Variants in ARL5C observed in about 807,000 individuals in gnomAD.
ARL5C encodes putative ADP-ribosylation factor-like protein 5C.
ARL5C carries 21 observed loss-of-function variants against 20.8 expected under a neutral mutation model. That is an observed-to-expected ratio of 1.01 (90% CI 0.72 to 1.46). The LOEUF is 1.46. ARL5C is among the 40% of genes most tolerant of loss of function. The pLI is 0.00. For synonymous variants in ARL5C, 71 were observed against 81.6 expected, an observed-to-expected ratio of 0.87 and a Z score of 0.70; for missense variants, 199 against 225.1, an observed-to-expected ratio of 0.88 and a Z score of 0.74.
At chr17:39,164,897 A>T in intron 2 of ARL5C, 182 bp downstream of exon 2, 1 of 617,554 alleles carries the variant, frequency 1.6e-6, no homozygotes, top group East Asian at 2.9e-5. Context: ...TGTACGGTGC[A>T]GGATTTGAAT....
chr17:39,160,141 T>G (rs1452587663), intron 5 of ARL5C: 1 of 158,272 alleles, frequency 6.3e-6, no homozygotes, highest in African/African-American at 2.4e-5. Context: ...AAGACCAGCC[T>G]GGCCAACCCC....
intron 5 of ARL5C, among the ~76,000 whole-genome samples, chr17:39,157,401 T>C (rs922532050): frequency 5.3e-5 from 8 of 152,180 alleles, no homozygotes; most frequent in African/African-American, 1.9e-4. Flanking sequence ...CATTAGATTG[T>C]AAGCAACTCC....
intron 5 of ARL5C, 80 bp downstream of exon 5, chr17:39,160,511 G>C: frequency 6.7e-7 from 1 of 1,490,004 alleles, no homozygotes; most frequent in Non-Finnish European, 9.0e-7. Flanking sequence ...TCACAGGAGA[G>C]AGGCAGGAGA....
chr17:39,164,885 C>G, intron 2 of ARL5C, 194 bp downstream of exon 2: 1 of 567,388 alleles, frequency 1.8e-6, no homozygotes, highest in Non-Finnish European at 3.1e-6. Context: ...GCTAGGGTTG[C>G]CTGTACGGTG....
At chr17:39,159,588 C>T (rs547584958) in intron 5 of ARL5C, among the ~76,000 whole-genome samples, 89 of 152,230 alleles carry the variant, frequency 5.8e-4, no homozygotes, top group Admixed American at 2.5e-3. Context: ...TGAGCCACCG[C>T]GCCCCGCCAT....
At chr17:39,160,456 G>T (rs2045428624) in intron 5 of ARL5C, 135 bp downstream of exon 5, 3 of 1,055,924 alleles carry the variant, frequency 2.8e-6, no homozygotes, top group Non-Finnish European at 4.1e-6. Flanking sequence ...CCTGTGGGGA[G>T]ATGCCAAATT....
chr17:39,159,195 C>T (rs943841507), intron 5 of ARL5C, among the ~76,000 whole-genome samples: 8 of 126,650 alleles, frequency 6.3e-5, no homozygotes, highest in East Asian at 4.8e-4. Flanking sequence ...CCACATCCAG[C>T]GGTTTTTTTT....
intron 5 of ARL5C, among the ~76,000 whole-genome samples, chr17:39,158,124 G>A (rs2045415865): frequency 7.3e-6 from 1 of 137,106 alleles, no homozygotes; most frequent in South Asian, 2.6e-4. Flanking sequence ...AGGGAGGGAG[G>A]GAGGGAGGAA....
Position 39,166,047 on chromosome 17 carries a change from C to T in ARL5C, c.-287G>A, listed in dbSNP as rs1366722710. On this transcript the variant is annotated 5_prime_UTR_variant, in exon 1 of 6. Transcript: ENST00000269586. ...CCTCCCCCTCGCCCTGCGAAAACTC[C>T]TGAGTTCTCCGGGTGGACTGCTCCA... The T allele has an allele frequency of 2.2e-6, 1 of 462,774 alleles. No individual in the cohort carries two copies. Among genetic ancestry groups the T allele is most frequent in the African/African-American group, 2.0e-5 (1 of 50,694 alleles). 28.7% of individuals were successfully genotyped at this position (462,774 alleles called of 1,614,324 possible).
chr17:39,159,524 C>T (rs577606030), intron 5 of ARL5C, among the ~76,000 whole-genome samples: 16 of 152,004 alleles, frequency 1.1e-4, no homozygotes, highest in South Asian at 6.3e-4. Flanking sequence ...CTCGAACTCC[C>T]GACCTTGGGT....
At chr17:39,163,378 CTT>C (rs781338378) in intron 2 of ARL5C, among the ~76,000 whole-genome samples, 1 of 131,680 alleles carries the variant, frequency 7.6e-6, no homozygotes, top group African/African-American at 3.2e-5. Context: ...TTCTTTCTTT[CTT>C]TCTTTCTTTC....
At chr17:39,160,082 C>G (rs1201868192) in intron 5 of ARL5C, 1 of 155,418 alleles carries the variant, frequency 6.4e-6, no homozygotes, top group African/African-American at 2.4e-5. Context: ...CCTGTAATCC[C>G]AACACTTTGG....
At chr17:39,163,591 C>G (rs774377452) in intron 2 of ARL5C, among the ~76,000 whole-genome samples, 7 of 151,576 alleles carry the variant, frequency 4.6e-5, no homozygotes, top group Non-Finnish European at 1.0e-4. Context: ...GGGGTTTCGC[C>G]ATGTTGGCTG....
Position 39,165,817 on chromosome 17 carries a change from G to A in ARL5C, c.-57C>T, listed in dbSNP as rs1047217293. 3.2e-6 allele frequency: 5 copies of A among 1,543,662 alleles called. No homozygotes were observed. Among genetic ancestry groups the A allele is most frequent in the Non-Finnish European group, 4.4e-6 (5 of 1,140,654 alleles). ...GCTCAGCGGCCTCAGGAGCGGAGTC[G>A]GCCCTGGTATTCGGAGCTCCGCTCC... is the stretch of plus-strand genomic sequence containing the variant. On this transcript the variant is annotated 5_prime_UTR_variant, in exon 1 of 6. Coordinates refer to ENST00000269586, the MANE Select transcript of ARL5C (RefSeq NM_001143968.1).
intron 5 of ARL5C, among the ~76,000 whole-genome samples, chr17:39,158,636 C>G (rs2045418560): frequency 6.6e-6 from 1 of 151,580 alleles, no homozygotes; most frequent in East Asian, 1.9e-4. Flanking sequence ...AAAAAGATAC[C>G]TGTGTGCCCA....
rs150760357 is a variant in ARL5C, at chr17:39,162,594, A to G, written c.255+117T>C. ...GGGATTACAGGTGTGAGCCACAGGA[A>G]CCGACCATTATAATCTCTATTTCAC... On this transcript the variant is annotated intron_variant, in intron 3 of 5. Coordinates refer to ENST00000269586, the MANE Select transcript of ARL5C (RefSeq NM_001143968.1). 8,234 of 1,289,108 alleles carry G rather than the reference A, an allele frequency of 6.4e-3. 43 individuals carry two copies. The highest frequency in any genetic ancestry group is 7.4e-3 in the Non-Finnish European group (7,114 of 955,290). The allele number at this position is 1,289,108 out of a possible 1,614,324, so 79.9% of individuals were successfully genotyped here.
intron 5 of ARL5C, 115 bp from the exon 6 acceptor site, chr17:39,157,057 A>T: frequency 1.8e-6 from 2 of 1,136,252 alleles, no homozygotes; most frequent in Non-Finnish European, 2.5e-6. Context: ...ACATCCAATA[A>T]TTCAATTAAC....
intron 3 of ARL5C, among the ~76,000 whole-genome samples, chr17:39,162,115 C>T (rs1249789435): frequency 6.6e-6 from 1 of 152,042 alleles, no homozygotes; most frequent in Non-Finnish European, 1.5e-5. Flanking sequence ...AAGTAAGGCC[C>T]CTAGAGAGAA....
chr17:39,156,875 T>C (rs1274130330), downstream of ARL5C: 1 of 1,551,728 alleles, frequency 6.4e-7, no homozygotes, highest in Admixed American at 2.0e-5. Context: ...AAGTTTCTGG[T>C]TGACCTCAGA....
Sources: allele counts gnomAD v4.1 joint callset (sites outside exome capture counted in the v4.1 genomes callset), GRCh38; gene constraint gnomAD v4.1.1; transcripts MANE v1.5; gene names NCBI Gene and HGNC (gene_info 2026-07-23, HGNC 2026-07-21).